STAG3: variants seen among roughly 807,000 people sequenced by gnomAD.
STAG3 encodes the protein STAG3 cohesin complex component.
STAG3 carries 101 observed loss-of-function variants against 160.7 expected under a neutral mutation model. That is an observed-to-expected ratio of 0.63 (90% CI 0.54 to 0.74). STAG3 has a LOEUF of 0.74. Among genes scored for constraint, STAG3 ranks in the 30% least tolerant of loss-of-function variants. STAG3 has a pLI of 0.00. For synonymous variants in STAG3, 519 were observed against 585.0 expected, an observed-to-expected ratio of 0.89 and a Z score of 1.63; for missense variants, 1,188 against 1,517.4, an observed-to-expected ratio of 0.78 and a Z score of 3.61.
Position 100,202,349 on chromosome 7 carries a change from A to G in STAG3, c.2563+9A>G. 6.2e-7 allele frequency: 1 copy of G among 1,613,098 alleles called. No homozygotes were observed. ...GGGAGACCTGGGCAGTGGTGCAGTGACTCTATACCTGGGGCTCAGTAAGGG... is the reference window on the plus strand; with the variant it reads ...GGGAGACCTGGGCAGTGGTGCAGTGGCTCTATACCTGGGGCTCAGTAAGGG... On this transcript the variant is annotated intron_variant, in intron 24 of 33. Coordinates refer to ENST00000615138, the MANE Select transcript of STAG3 (RefSeq NM_001282717.2).
downstream of STAG3, among the ~76,000 whole-genome samples, chr7:100,215,733 C>T (rs1802701043): frequency 6.6e-6 from 1 of 152,142 alleles, no homozygotes; most frequent in Non-Finnish European, 1.5e-5. Flanking sequence ...AATCTGGGAG[C>T]TTGACACCAT....
At chr7:100,210,886 G>C in intron 29 of STAG3, 125 bp from the exon 30 acceptor site, 4 of 1,001,032 alleles carry the variant, frequency 4.0e-6, no homozygotes, top group Non-Finnish European at 5.9e-6. Context: ...ACAGAATGAA[G>C]CTGTATAAGT....
intron 8 of STAG3, 24 bp downstream of exon 8, chr7:100,189,620 C>G: frequency 6.3e-7 from 1 of 1,597,334 alleles, no homozygotes. Context: ...CCTGCTTCTT[C>G]CTTCCCTTTT....
chr7:100,210,557 C>T (rs1305692202), intron 29 of STAG3, among the ~76,000 whole-genome samples: 1 of 152,122 alleles, frequency 6.6e-6, no homozygotes, highest in Non-Finnish European at 1.5e-5. Flanking sequence ...TTTGTCCACT[C>T]TAGCCTCTGG....
intron 10 of STAG3, 167 bp from the exon 11 acceptor site, chr7:100,197,605 GTTTTTT>G: frequency 8.8e-6 from 6 of 683,348 alleles, no homozygotes; most frequent in Non-Finnish European, 1.6e-5. Context: ...TGATCCTTTT[GTTTTTT>G]AAGTAAGAAG....
At position 100,211,027 on chromosome 7, in the gene STAG3, CAG is replaced by C. The variant is rs775741845; in HGVS notation, c.3260_3261del (p.Glu1087GlyfsTer103). The C allele has an allele frequency of 6.2e-7, 1 of 1,613,834 alleles. No individual in the cohort carries two copies. The highest frequency in any genetic ancestry group is 8.5e-7 in the Non-Finnish European group (1 of 1,179,948). Reference protein sequence around the residue: ...RRVEGPAKPNREDVSSSQEES... With the variant: ...RRVEGPAKPNXEDVSSSQEES... ...GCTTGGCAGGGCCTGCCAAGCCTAACAGAGAGGACGTCTCCTCGTCCCAGGAA... is the reference window on the plus strand; with the variant it reads ...GCTTGGCAGGGCCTGCCAAGCCTAACAGAGGACGTCTCCTCGTCCCAGGAA... On this transcript the variant is annotated frameshift_variant, in exon 30 of 34. Coordinates refer to ENST00000615138, the MANE Select transcript of STAG3 (RefSeq NM_001282717.2). LOFTEE classifies it high-confidence loss of function.
chr7:100,197,129 A>C, intron 9 of STAG3, 27 bp from the exon 10 acceptor site: 1 of 1,595,646 alleles, frequency 6.3e-7, no homozygotes, highest in Non-Finnish European at 8.6e-7. Context: ...GGTGGCTCTA[A>C]GAGTCAACTT....
At chr7:100,197,497 C>G in intron 10 of STAG3, 2 of 723,114 alleles carry the variant, frequency 2.8e-6, no homozygotes, top group Admixed American at 4.7e-5. Context: ...ACCTGAGGTA[C>G]GGGGAGAGAG....
chr7:100,214,354 A>G lies in STAG3; in HGVS notation c.*339A>G, dbSNP rs1033525094. 2.7e-6 allele frequency: 1 copy of G among 372,658 alleles called. No individual in the cohort carries two copies. The highest frequency in any genetic ancestry group is 2.0e-5 in the African/African-American group (1 of 48,832). 23.1% of individuals were successfully genotyped at this position (372,658 alleles called of 1,614,324 possible). A position where few individuals can be genotyped will look rare whatever the true frequency, so the allele number is the denominator to read the frequency against. ...TCTCAGCCTATTTTGTGTCCTAATG[A>G]TTCGCTCAATAAACATGTTTGAATC... On this transcript the variant is annotated 3_prime_UTR_variant, in exon 34 of 34. Transcript: ENST00000615138.
chr7:100,207,127 C>T lies in STAG3; in HGVS notation c.3238+1743C>T, dbSNP rs192474495. On this transcript the variant is annotated intron_variant, in intron 29 of 33. Coordinates refer to ENST00000615138, the MANE Select transcript of STAG3 (RefSeq NM_001282717.2). The surrounding 1 kb of genome is among the most constrained non-coding windows in gnomAD (Gnocchi z 4.0). ...GTGGATATGCCACATTCTACTTATCCACTTGTCAGTTGATTGACATTTGGG... is the reference window on the plus strand; with the variant it reads ...GTGGATATGCCACATTCTACTTATCTACTTGTCAGTTGATTGACATTTGGG... Among the ~76,000 whole-genome samples the T allele has an allele frequency of 6.6e-6, 1 of 152,298 alleles. No individual in the cohort carries two copies. The highest frequency in any genetic ancestry group is 1.5e-5 in the Non-Finnish European group (1 of 68,022).
chr7:100,202,317 T>A lies in STAG3; in HGVS notation c.2540T>A (p.Ile847Asn). ...AGCTTCCTCATGGACCACGTCTTCA[T>A]CCAGCCGGGAGACCTGGGCAGTGGT... is the stretch of plus-strand genomic sequence containing the variant. ...LASFLMDHVF[I>N]QPGDLGSGDS... The change falls in exon 24 of 34, where the codon ATC becomes AAC. Residue 847 changes from isoleucine (I) to asparagine (N), a missense_variant. By Grantham distance (149) the Ile-to-Asn change is moderately radical. Transcript: ENST00000615138. The A allele has an allele frequency of 6.2e-7, 1 of 1,614,164 alleles. No individual in the cohort carries two copies. The highest frequency in any genetic ancestry group is 8.5e-7 in the Non-Finnish European group (1 of 1,180,028).
At chr7:100,216,171 C>T (rs1402294655), downstream of STAG3, among the ~76,000 whole-genome samples, 1 of 152,106 alleles carries the variant, frequency 6.6e-6, no homozygotes, top group Admixed American at 6.6e-5. Flanking sequence ...AATTCCTGAT[C>T]GTGGAGCCCA....
At position 100,204,609 on chromosome 7, in the gene STAG3, C is replaced by A; in HGVS notation, c.2803-18C>A. 6.2e-7 allele frequency: 1 copy of A among 1,609,164 alleles called. No homozygotes were observed. Among genetic ancestry groups the A allele is most frequent in the Non-Finnish European group, 8.5e-7 (1 of 1,176,474 alleles). On this transcript the variant is annotated intron_variant, in intron 26 of 33. Transcript: ENST00000615138. ...GTGTTCCTCCCTTTCCCACATGCAC[C>A]ATGTCTCCTGGACACAGCTGTACAC... is the stretch of plus-strand genomic sequence containing the variant.
At chr7:100,178,476 T>A (rs930785105) in intron 1 of STAG3, among the ~76,000 whole-genome samples, 13 of 152,058 alleles carry the variant, frequency 8.5e-5, no homozygotes, top group South Asian at 2.1e-4. Flanking sequence ...TATTTCATTT[T>A]AAAAAACCTG....
rs1057314089 is a variant in STAG3, at chr7:100,186,357, T to G, written c.433+61T>G. 4.6e-5 allele frequency: 66 copies of G among 1,441,630 alleles called. No homozygotes were observed. The Admixed American group carries it at 6.8e-4, about 15-fold the overall frequency. 89.3% of individuals were successfully genotyped at this position (1,441,630 alleles called of 1,614,324 possible). On this transcript the variant is annotated intron_variant, in intron 5 of 33. Transcript: ENST00000615138. The stretch of plus-strand genomic sequence containing the variant: ...TTTTGTTCCTATGTTATGAAATTCT[T>G]TCTCCATTTAGATAAGTAGGATTAG...
chr7:100,195,692 T>C (rs949736614), intron 9 of STAG3, among the ~76,000 whole-genome samples: 1 of 152,196 alleles, frequency 6.6e-6, no homozygotes, highest in African/African-American at 2.4e-5. Flanking sequence ...GACTTGAGGA[T>C]AAGAGCAGAG....
chr7:100,180,735 C>T, intron 2 of STAG3, 63 bp downstream of exon 2: 1 of 1,012,868 alleles, frequency 9.9e-7, no homozygotes. Flanking sequence ...CCCTCGTTTT[C>T]CCACATTGAT....
At chr7:100,181,513 A>G (rs1175069298) in intron 2 of STAG3, 1 of 152,282 alleles carries the variant, frequency 6.6e-6, no homozygotes. Context: ...CTTTCTCTAC[A>G]AAGAGCAGTG....
At chr7:100,203,584 G>A (rs1366770176) in intron 25 of STAG3, among the ~76,000 whole-genome samples, 2 of 151,754 alleles carry the variant, frequency 1.3e-5, no homozygotes, top group African/African-American at 2.4e-5. Flanking sequence ...GCGTGATCTC[G>A]GCTCACTACA....
Sources: allele counts gnomAD v4.1 joint callset (sites outside exome capture counted in the v4.1 genomes callset), GRCh38; gene constraint gnomAD v4.1.1; non-coding constraint Gnocchi (gnomAD v3.1); transcripts MANE v1.5; gene names NCBI Gene and HGNC (gene_info 2026-07-23, HGNC 2026-07-21).